LRP1B: variants seen among roughly 807,000 people sequenced by gnomAD.
LRP1B encodes the protein LDL receptor related protein 1B.
LRP1B carries 217 observed loss-of-function variants against 556.6 expected under a neutral mutation model. That is an observed-to-expected ratio of 0.39 (90% CI 0.35 to 0.44). LRP1B has a LOEUF of 0.44. LRP1B is among the 20% of genes least tolerant of loss of function. The pLI is 1.00. For synonymous variants in LRP1B, 2,047 were observed against 1,865.8 expected, an observed-to-expected ratio of 1.10 and a Z score of -2.50; for missense variants, 5,053 against 5,620.8, an observed-to-expected ratio of 0.90 and a Z score of 3.23.
chr2:141,870,662 G>C (rs1255774215), intron 1 of LRP1B, among the ~76,000 whole-genome samples: 2 of 151,882 alleles, frequency 1.3e-5, no homozygotes, highest in Non-Finnish European at 2.9e-5. Flanking sequence ...TACTGCCAGA[G>C]CAGCAGGAAT....
intron 2 of LRP1B, among the ~76,000 whole-genome samples, chr2:141,657,339 T>C (rs558405204): frequency 2.8e-4 from 43 of 152,266 alleles, no homozygotes; most frequent in Non-Finnish European, 5.2e-4. Flanking sequence ...AGACTGAACA[T>C]TTAATTCTTG....
chr2:141,958,411 T>C (rs892735237), intron 1 of LRP1B, among the ~76,000 whole-genome samples: 1 of 152,008 alleles, frequency 6.6e-6, no homozygotes. Flanking sequence ...TAAAAGACTT[T>C]GGGTTTTTTG....
At position 140,370,716 on chromosome 2, in the gene LRP1B, C is replaced by T. The variant is rs1682956552; in HGVS notation, c.11002G>A (p.Glu3668Lys). The change falls in exon 71 of 91, where the codon GAA becomes AAA. Residue 3668 changes from glutamate to lysine, a missense_variant. Coordinates refer to ENST00000389484, the MANE Select transcript of LRP1B (RefSeq NM_018557.3). Reference protein sequence around the residue: ...CVDGSDEENCERGGNICRADE... With the variant: ...CVDGSDEENCKRGGNICRADE... Reference sequence around the variant, plus strand: ...ACACACAAAAATACCTTACCTCTTTCACAGTTCTCTTCATCACTGCCATCC... The same window carrying T: ...ACACACAAAAATACCTTACCTCTTTTACAGTTCTCTTCATCACTGCCATCC... 6.2e-7 allele frequency: 1 copy of T among 1,612,470 alleles called. No individual in the cohort carries two copies. The highest frequency in any genetic ancestry group is 2.2e-5 in the East Asian group (1 of 44,818).
chr2:140,255,459 T>C (rs1308889679), intron 86 of LRP1B, among the ~76,000 whole-genome samples: 3 of 152,210 alleles, frequency 2.0e-5, no homozygotes, highest in African/African-American at 4.8e-5. Flanking sequence ...AAATATACTA[T>C]ATTTTTTATT....
chr2:141,875,995 A>C (rs1698745803), intron 1 of LRP1B, among the ~76,000 whole-genome samples: 2 of 152,054 alleles, frequency 1.3e-5, no homozygotes, highest in Non-Finnish European at 2.9e-5. Context: ...GTATAAAACA[A>C]TAATACAGGA....
At chr2:140,347,809 T>A (rs2105109657) in intron 77 of LRP1B, among the ~76,000 whole-genome samples, 1 of 151,530 alleles carries the variant, frequency 6.6e-6, no homozygotes, top group Non-Finnish European at 1.5e-5. Context: ...TTGAGTTTTA[T>A]TTTTCAAGGG....
At chr2:140,379,658 G>GCA (rs1683388702) in intron 67 of LRP1B, among the ~76,000 whole-genome samples, 1 of 152,094 alleles carries the variant, frequency 6.6e-6, no homozygotes, top group Admixed American at 6.5e-5. Context: ...TCATGCCACT[G>GCA]CATTCCAGCC....
chr2:141,820,719 G>T (rs1229189445), intron 1 of LRP1B, among the ~76,000 whole-genome samples: 1 of 152,218 alleles, frequency 6.6e-6, no homozygotes, highest in African/African-American at 2.4e-5. Flanking sequence ...CATGTTTTAA[G>T]ATTGGTGTAC....
intron 1 of LRP1B, among the ~76,000 whole-genome samples, chr2:141,814,967 G>T (rs923512045): frequency 5.3e-5 from 8 of 152,116 alleles, no homozygotes; most frequent in African/African-American, 1.7e-4. Flanking sequence ...GATGCAAGGG[G>T]AAAGGAGATT....
Position 141,020,071 on chromosome 2 carries a change from G to A in LRP1B, c.1821C>T (p.Asp607=), listed in dbSNP as rs2105397155. ...TCCAGTAAAGATTATTTCCAATCCA[G>A]TCCACAGCAATGCCCTCTACATTAT... The part of the protein sequence containing the change: ...DLDNVEGIAV[D]WIGNNLYWTN... The change falls in exon 12 of 91, where the codon GAC becomes GAT. Residue 607 remains aspartate, a synonymous_variant. Coordinates refer to ENST00000389484, the MANE Select transcript of LRP1B (RefSeq NM_018557.3). The A allele has an allele frequency of 6.2e-7, 1 of 1,608,390 alleles. No individual in the cohort carries two copies. The highest frequency in any genetic ancestry group is 8.5e-7 in the Non-Finnish European group (1 of 1,176,638).
rs1573953371 is a variant in LRP1B, at chr2:140,450,489, T to C, written c.10057+79A>G. On this transcript the variant is annotated intron_variant, in intron 63 of 90. Transcript: ENST00000389484. ...GGAAAAGTGTCAGAAGGCAATACTTTAGGTGTAGATTCAATTTTCCAGGTC... is the reference window on the plus strand; with the variant it reads ...GGAAAAGTGTCAGAAGGCAATACTTCAGGTGTAGATTCAATTTTCCAGGTC... 7.7e-6 allele frequency: 8 copies of C among 1,036,336 alleles called. 1 individual carries two copies. In the South Asian group the frequency reaches 9.6e-5, roughly 12 times the overall value. 64.2% of individuals were successfully genotyped at this position (1,036,336 alleles called of 1,614,324 possible). A position where few individuals can be genotyped will look rare whatever the true frequency, so the allele number is the denominator to read the frequency against.
intron 25 of LRP1B, among the ~76,000 whole-genome samples, chr2:140,881,250 G>A (rs1157456016): frequency 1.1e-5 from 1 of 92,588 alleles, no homozygotes; most frequent in East Asian, 2.7e-4. Flanking sequence ...TGGCTTTGCT[G>A]TAAGTGTGTG....
At chr2:140,832,725 G>C (rs1006865799) in intron 31 of LRP1B, among the ~76,000 whole-genome samples, 1 of 152,138 alleles carries the variant, frequency 6.6e-6, no homozygotes, top group African/African-American at 2.4e-5. Flanking sequence ...ATTGGTGGTT[G>C]CAAGAGGCTG....
chr2:141,972,452 A>G (rs1701769409), intron 1 of LRP1B, among the ~76,000 whole-genome samples: 1 of 151,544 alleles, frequency 6.6e-6, no homozygotes, highest in Non-Finnish European at 1.5e-5. Context: ...TGAAGTTTCT[A>G]ATATATACCA....
intron 41 of LRP1B, among the ~76,000 whole-genome samples, chr2:140,634,144 C>A (rs1334265856): frequency 6.6e-6 from 1 of 152,100 alleles, no homozygotes; most frequent in African/African-American, 2.4e-5. Flanking sequence ...ACCAGCTCAA[C>A]ATTTCAAAAT....
At chr2:140,699,400 T>C (rs1174787853) in intron 41 of LRP1B, among the ~76,000 whole-genome samples, 1 of 151,994 alleles carries the variant, frequency 6.6e-6, no homozygotes, top group Admixed American at 6.6e-5. Context: ...CACATGTTAG[T>C]TATGGGTAAG....
intron 2 of LRP1B, among the ~76,000 whole-genome samples, chr2:141,776,651 G>A (rs187562173): frequency 1.9e-3 from 293 of 152,244 alleles, no homozygotes; most frequent in South Asian, 4.1e-3. Context: ...TGAACTTTGG[G>A]CATCAGGATG....
At chr2:141,920,109 G>A (rs980218113) in intron 1 of LRP1B, among the ~76,000 whole-genome samples, 19 of 151,796 alleles carry the variant, frequency 1.3e-4, no homozygotes, top group Non-Finnish European at 2.4e-4. Flanking sequence ...TACCTTATGT[G>A]TTTCCTCAGT....
intron 3 of LRP1B, among the ~76,000 whole-genome samples, chr2:141,354,832 A>T (rs1324698548): frequency 1.3e-5 from 2 of 152,046 alleles, no homozygotes; most frequent in Non-Finnish European, 2.9e-5. Flanking sequence ...CTATAGTCTT[A>T]AAAAAACTTG....
Sources: gnomAD v4.1 joint callset for allele counts (sites outside exome capture counted in the v4.1 genomes callset) on GRCh38, gnomAD v4.1.1 for gene constraint, MANE v1.5 for transcripts, NCBI Gene and HGNC (gene_info 2026-07-23, HGNC 2026-07-21) for gene names.